Variants in PSMA1 observed in about 807,000 individuals in gnomAD.
The protein encoded by PSMA1 is proteasome subunit alpha type-1.
Under a neutral mutation model 38.4 loss-of-function variants are expected in PSMA1, and 3 were observed. The ratio of observed to expected loss-of-function variants is 0.08; its 90% CI spans 0.04 to 0.20. The LOEUF (loss-of-function observed/expected upper bound fraction) is 0.20, where lower values mean the gene tolerates loss of function less well. PSMA1 is among the 10% of genes least tolerant of loss of function. The probability of loss-of-function intolerance (pLI) is 1.00; values close to 1 mark genes in which losing one functional copy is unlikely to be tolerated. For synonymous variants in PSMA1, 101 were observed against 107.1 expected, an observed-to-expected ratio of 0.94 and a Z score of 0.35; for missense variants, 227 against 325.3, an observed-to-expected ratio of 0.70 and a Z score of 2.32.
At chr11:14,532,297 T>C (rs1851655912) in intron 2 of PSMA1, among the ~76,000 whole-genome samples, 2 of 152,202 alleles carry the variant, frequency 1.3e-5, no homozygotes, top group Admixed American at 1.3e-4. Flanking sequence ...TTTTATAATA[T>C]ACATTTTTTC....
At chr11:14,616,126 G>A (rs763604646) in intron 1 of PSMA1, among the ~76,000 whole-genome samples, 2 of 151,050 alleles carry the variant, frequency 1.3e-5, no homozygotes, top group Non-Finnish European at 3.0e-5. Flanking sequence ...ATTTCATCCA[G>A]TAAAGAGCCA....
chr11:14,523,439 T>C (rs948325654), upstream of PSMA1, among the ~76,000 whole-genome samples: 1 of 151,854 alleles, frequency 6.6e-6, no homozygotes, highest in African/African-American at 2.4e-5. Context: ...CCTGGCTAAT[T>C]TTAAAATTTT....
Position 14,505,093 on chromosome 11 carries a change from A to T in PSMA1, c.*99T>A, listed in dbSNP as rs1851223236. On this transcript the variant is annotated 3_prime_UTR_variant, in exon 10 of 10. Coordinates refer to ENST00000396394, the MANE Select transcript of PSMA1 (RefSeq NM_002786.4). ...GATTCCTAAAACATAGCATTCCACC[A>T]CTCTGCAACTTTTGGTTCAAAGTAT... 1 of 1,104,834 alleles carries T rather than the reference A, an allele frequency of 9.1e-7. No individual in the cohort carries two copies. The allele number at this position is 1,104,834 out of a possible 1,614,324, so 68.4% of individuals were successfully genotyped here.
chr11:14,573,446 T>C (rs913929814), intron 2 of PSMA1, among the ~76,000 whole-genome samples: 2 of 152,172 alleles, frequency 1.3e-5, no homozygotes, highest in Non-Finnish European at 1.5e-5. Context: ...GAAAAGGCCT[T>C]TGACAAAATT....
chr11:14,516,210 A>T (rs1589979653), intron 4 of PSMA1, among the ~76,000 whole-genome samples: 1 of 16,438 alleles, frequency 6.1e-5, no homozygotes, highest in African/African-American at 3.0e-4. Flanking sequence ...ACTCCGTCTC[A>T]AAAAAAAAAA....
chr11:14,615,425 A>G lies in PSMA1; in HGVS notation c.-165-4274T>C, dbSNP rs558879191. ...CAGTGGGACACGCTGAAAGAAACTC[A>G]GAGGACAGAAGAGTACAATTGTAAT... On this transcript the variant is annotated intron_variant, in intron 1 of 10. Coordinates refer to the PSMA1 transcript ENST00000418988. 3.9e-5 allele frequency among the ~76,000 whole-genome samples: 6 copies of G among 152,350 alleles called. No homozygotes were observed. In the East Asian group the frequency reaches 1.2e-3, roughly 29 times the overall value.
At chr11:14,516,197 G>C (rs1347647229) in intron 4 of PSMA1, among the ~76,000 whole-genome samples, 1 of 130,284 alleles carries the variant, frequency 7.7e-6, no homozygotes, top group Admixed American at 8.1e-5. Context: ...GCGACAGCGC[G>C]AGACTCCGTC....
At chr11:14,579,298 T>A (rs535894850) in intron 2 of PSMA1, among the ~76,000 whole-genome samples, 2 of 152,346 alleles carry the variant, frequency 1.3e-5, no homozygotes, top group African/African-American at 4.8e-5. Context: ...GTCCAGCTTC[T>A]GATGTCTCCA....
At chr11:14,606,252 T>G (rs1335889477) in intron 2 of PSMA1, among the ~76,000 whole-genome samples, 1 of 152,154 alleles carries the variant, frequency 6.6e-6, no homozygotes, top group Non-Finnish European at 1.5e-5. Context: ...TCTGTACCAG[T>G]ACCATGCTGT....
At chr11:14,555,013 T>G (rs1851927519) in intron 2 of PSMA1, among the ~76,000 whole-genome samples, 2 of 152,230 alleles carry the variant, frequency 1.3e-5, no homozygotes, top group Admixed American at 1.3e-4. Flanking sequence ...CATTTTGCCA[T>G]TCACCTATGT....
At chr11:14,551,201 TTGGA>T (rs1851880170) in intron 2 of PSMA1, among the ~76,000 whole-genome samples, 1 of 152,230 alleles carries the variant, frequency 6.6e-6, no homozygotes, top group African/African-American at 2.4e-5. Context: ...GTTTCTTTGC[TTGGA>T]TGCTTCTGGT....
intron 2 of PSMA1, among the ~76,000 whole-genome samples, chr11:14,532,806 T>C (rs1219332697): frequency 6.6e-6 from 1 of 150,790 alleles, no homozygotes; most frequent in Non-Finnish European, 1.5e-5. Flanking sequence ...GCATAAGAAT[T>C]GCTTGAACCA....
intron 2 of PSMA1, among the ~76,000 whole-genome samples, chr11:14,539,827 T>C (rs1239470667): frequency 2.0e-5 from 3 of 149,314 alleles, no homozygotes; most frequent in African/African-American, 7.4e-5. Context: ...CCAGCCTGGG[T>C]GACAGAGCGA....
intron 2 of PSMA1, chr11:14,610,861 C>A: frequency 8.7e-7 from 1 of 1,151,384 alleles, no homozygotes; most frequent in Non-Finnish European, 1.3e-6. Context: ...CCTAGAGATG[C>A]GTTTTTCTCA....
At chr11:14,555,351 T>C (rs1027380312) in intron 2 of PSMA1, among the ~76,000 whole-genome samples, 2 of 152,238 alleles carry the variant, frequency 1.3e-5, no homozygotes, top group African/African-American at 4.8e-5. Flanking sequence ...ATCTTATTTT[T>C]TTCTACCCTA....
At chr11:14,515,894 T>C (rs1851417543) in intron 4 of PSMA1, among the ~76,000 whole-genome samples, 1 of 151,934 alleles carries the variant, frequency 6.6e-6, no homozygotes, top group Non-Finnish European at 1.5e-5. Context: ...ACACTGTTTT[T>C]GCTGCTGCTG....
chr11:14,535,568 C>T (rs746129424), intron 2 of PSMA1, among the ~76,000 whole-genome samples: 3 of 151,792 alleles, frequency 2.0e-5, no homozygotes, highest in Non-Finnish European at 2.9e-5. Flanking sequence ...CTCAGCTTCC[C>T]GAGTAGCTGG....
In PSMA1 at chr11:14,507,533, G is replaced by C. The variant is rs558862796; in HGVS notation, c.735+123C>G. ...ACTTTACTCAGTTCTTAATTTTCCT[G>C]TTGCCATTTGAATTATGGGCCCATT... is the stretch of plus-strand genomic sequence containing the variant. On this transcript the variant is annotated intron_variant, in intron 9 of 9. Transcript: ENST00000396394. 12 of 698,982 alleles carry C rather than the reference G, an allele frequency of 1.7e-5. No homozygotes were observed. In the South Asian group the frequency reaches 2.0e-4, roughly 12 times the overall value. 43.3% of individuals were successfully genotyped at this position (698,982 alleles called of 1,614,324 possible).
intron 1 of PSMA1, among the ~76,000 whole-genome samples, chr11:14,625,217 G>A (rs375611066): frequency 6.6e-6 from 1 of 152,204 alleles, no homozygotes; most frequent in Non-Finnish European, 1.5e-5. Context: ...GGAAGGCCAA[G>A]GCAGGCAGAT....
Sources: allele counts gnomAD v4.1 joint callset (sites outside exome capture counted in the v4.1 genomes callset), GRCh38; gene constraint gnomAD v4.1.1; transcripts MANE v1.5; gene names NCBI Gene and HGNC (gene_info 2026-07-23, HGNC 2026-07-21).